Variants in BTBD8 observed in about 807,000 individuals in gnomAD.
The protein encoded by BTBD8 is BTB/POZ domain-containing protein 8.
Under a neutral mutation model 162.9 loss-of-function variants are expected in BTBD8, and 110 were observed. The observed-to-expected ratio is 0.68, with a 90% CI of 0.58 to 0.79. BTBD8 has a LOEUF of 0.79. Ranked by LOEUF, BTBD8 falls within the 30% of genes least tolerant of loss-of-function variation. The pLI is 0.00. For missense variants in BTBD8, 1,905 were observed against 2,085.4 expected, an observed-to-expected ratio of 0.91 and a Z score of 1.68; for synonymous variants, 667 against 716.1, an observed-to-expected ratio of 0.93 and a Z score of 1.10.
At chr1:92,136,345 T>C (rs999511602) in intron 5 of BTBD8, among the ~76,000 whole-genome samples, 5 of 151,850 alleles carry the variant, frequency 3.3e-5, no homozygotes, top group Non-Finnish European at 5.9e-5. Context: ...TTTTCTTCTT[T>C]TTTTTTTTTT....
At chr1:92,143,565 C>T (rs1452657705) in intron 7 of BTBD8, among the ~76,000 whole-genome samples, 4 of 152,078 alleles carry the variant, frequency 2.6e-5, no homozygotes, top group Admixed American at 6.6e-5. Context: ...GGCTGGAGTG[C>T]AGTGGTACGA....
chr1:92,174,725 T>C (rs1043693595), intron 13 of BTBD8, among the ~76,000 whole-genome samples: 15 of 152,160 alleles, frequency 9.9e-5, no homozygotes, highest in South Asian at 8.3e-4. Flanking sequence ...CTGCTGTGAA[T>C]AGGACCAGTC....
Position 92,139,360 on chromosome 1 carries a change from G to A in BTBD8, c.763G>A (p.Val255Ile), listed in dbSNP as rs1649711873. ...TCTTTTATTTTTCAGTATAAGCCAT[G>A]TAGAACTGAATGTTATGATGCATTT... Reference protein sequence around the residue: ...EYVTLQGISHVELNVMMHFIY... With the variant: ...EYVTLQGISHIELNVMMHFIY... Residue 255 changes from valine to isoleucine, a missense_variant, in exon 6 of 18, where the codon GTA (valine) becomes ATA (isoleucine). Physicochemically the swap from Val to Ile is conservative, Grantham distance 29. Coordinates refer to ENST00000636805, the MANE Select transcript of BTBD8 (RefSeq NM_001376131.1). The A allele has an allele frequency of 1.3e-6, 2 of 1,585,514 alleles. No homozygotes were observed. The highest frequency in any genetic ancestry group is 8.5e-7 in the Non-Finnish European group (1 of 1,172,264).
intron 3 of BTBD8, 67 bp from the exon 4 acceptor site, chr1:92,107,817 A>G: frequency 7.6e-7 from 1 of 1,310,466 alleles, no homozygotes; most frequent in Non-Finnish European, 1.0e-6. Flanking sequence ...CTTGATAATA[A>G]TAGAAAACAA....
chr1:92,125,732 G>T, intron 4 of BTBD8: 2 of 441,748 alleles, frequency 4.5e-6, no homozygotes, highest in South Asian at 1.9e-5. Flanking sequence ...AGAATGTGCT[G>T]ATTTCACATC....
intron 2 of BTBD8, among the ~76,000 whole-genome samples, chr1:92,091,017 T>C (rs1464681408): frequency 1.3e-5 from 2 of 152,236 alleles, no homozygotes; most frequent in African/African-American, 2.4e-5. Context: ...TAAGAAACCA[T>C]TGGCCTAATC....
chr1:92,142,119 A>G (rs1649790925), intron 7 of BTBD8, among the ~76,000 whole-genome samples: 1 of 152,212 alleles, frequency 6.6e-6, no homozygotes, highest in South Asian at 2.1e-4. Flanking sequence ...TTTACTGAGA[A>G]ATAGTTAACC....
intron 3 of BTBD8, among the ~76,000 whole-genome samples, chr1:92,105,342 T>C (rs1430893177): frequency 6.6e-6 from 1 of 152,006 alleles, no homozygotes; most frequent in Non-Finnish European, 1.5e-5. Flanking sequence ...AACCTCTACC[T>C]CCCAGGCCCA....
At chr1:92,147,591 T>C (rs969114227) in intron 8 of BTBD8, 93 bp from the exon 9 acceptor site, 8 of 869,840 alleles carry the variant, frequency 9.2e-6, no homozygotes, top group African/African-American at 1.7e-5. Flanking sequence ...AGGTCATATA[T>C]ATGTACAGTT....
chr1:92,080,389 C>T lies in BTBD8; in HGVS notation c.-183C>T, dbSNP rs1170893070. The stretch of plus-strand genomic sequence containing the variant: ...GCTCGGTTCTGGGATTCTGAGGCTC[C>T]CCACCGCGGTCCGGCTTCTCTGGGA... On this transcript the variant is annotated 5_prime_UTR_variant, in exon 1 of 18. Transcript: ENST00000636805. 1.1e-5 allele frequency: 9 copies of T among 816,286 alleles called. No individual in the cohort carries two copies. Among genetic ancestry groups the T allele is most frequent in the East Asian group, 3.1e-5 (1 of 31,974 alleles). 50.6% of individuals were successfully genotyped at this position (816,286 alleles called of 1,614,324 possible).
intron 2 of BTBD8, among the ~76,000 whole-genome samples, chr1:92,091,771 A>T (rs1256455594): frequency 6.6e-6 from 1 of 152,040 alleles, no homozygotes; most frequent in Non-Finnish European, 1.5e-5. Context: ...TAATGTTTTT[A>T]TATTTTTAAC....
chr1:92,080,385 G>A lies in BTBD8; in HGVS notation c.-187G>A. Reference sequence around the variant, plus strand: ...GCCGGCTCGGTTCTGGGATTCTGAGGCTCCCCACCGCGGTCCGGCTTCTCT... The same window carrying A: ...GCCGGCTCGGTTCTGGGATTCTGAGACTCCCCACCGCGGTCCGGCTTCTCT... On this transcript the variant is annotated 5_prime_UTR_variant, in exon 1 of 18. Coordinates refer to ENST00000636805, the MANE Select transcript of BTBD8 (RefSeq NM_001376131.1). 1.3e-6 allele frequency: 1 copy of A among 773,590 alleles called. No homozygotes were observed. The highest frequency in any genetic ancestry group is 3.4e-5 in the Admixed American group (1 of 29,010). 47.9% of individuals were successfully genotyped at this position (773,590 alleles called of 1,614,324 possible). A position where few individuals can be genotyped will look rare whatever the true frequency, so the allele number is the denominator to read the frequency against.
chr1:92,101,160 G>A (rs990733400), intron 2 of BTBD8, among the ~76,000 whole-genome samples: 1 of 152,144 alleles, frequency 6.6e-6, no homozygotes, highest in African/African-American at 2.4e-5. Context: ...TCCCATTTAT[G>A]AATGAGAACA....
At chr1:92,091,504 A>C (rs1407027262) in intron 2 of BTBD8, among the ~76,000 whole-genome samples, 1 of 150,470 alleles carries the variant, frequency 6.6e-6, no homozygotes, top group Non-Finnish European at 1.5e-5. Flanking sequence ...TTTTTGAGAC[A>C]GGGTTTTGCT....
intron 9 of BTBD8, among the ~76,000 whole-genome samples, chr1:92,163,094 C>A (rs1310858869): frequency 6.6e-6 from 1 of 151,722 alleles, no homozygotes; most frequent in Non-Finnish European, 1.5e-5. Flanking sequence ...GTGGCTCATG[C>A]CTGTAATCCC....
rs1352188350 is a variant in BTBD8, at chr1:92,182,392, G to C, written c.4709G>C (p.Ser1570Thr). 6.5e-7 allele frequency: 1 copy of C among 1,549,548 alleles called. No individual in the cohort carries two copies. The part of the protein sequence containing the change: ...SNVENDIQQR[S>T]KFLDSDVKSQ... ...GTGGAAAATGACATTCAGCAACGCA[G>C]CAAATTCTTGGATAGTGATGTAAAA... The change falls in exon 17 of 18, where the codon AGC becomes ACC. Residue 1570 changes from serine (S) to threonine (T), a missense_variant. Physicochemically the swap from Ser to Thr is moderately conservative, Grantham distance 58. Around this residue, in one of 3 missense-constraint regions of BTBD8, gnomAD observed 517 missense variants for 606.6 expected, o/e 0.85. Transcript: ENST00000636805.
chr1:92,153,664 T>C (rs1184454727), intron 9 of BTBD8, among the ~76,000 whole-genome samples: 1 of 152,260 alleles, frequency 6.6e-6, no homozygotes, highest in Admixed American at 6.5e-5. Context: ...CATTCATCCA[T>C]GTGGTCACAT....
At chr1:92,088,452 A>C (rs1648214300) in intron 1 of BTBD8, among the ~76,000 whole-genome samples, 1 of 152,210 alleles carries the variant, frequency 6.6e-6, no homozygotes, top group African/African-American at 2.4e-5. Flanking sequence ...AAATATTTTG[A>C]AACAGTAGTC....
At chr1:92,131,019 A>G (rs559876615) in intron 5 of BTBD8, among the ~76,000 whole-genome samples, 1 of 152,186 alleles carries the variant, frequency 6.6e-6, no homozygotes, top group East Asian at 1.9e-4. Context: ...TCAAGTTTTT[A>G]AATACTAATA....
Sources: gnomAD v4.1 joint callset for allele counts (sites outside exome capture counted in the v4.1 genomes callset) on GRCh38, gnomAD v4.1.1 for gene constraint, gnomAD v4.1.1 regional missense constraint, MANE v1.5 for transcripts, NCBI Gene and HGNC (gene_info 2026-07-23, HGNC 2026-07-21) for gene names.